The following SLC5A10 variants were observed in gnomAD, a reference collection of about 807,000 sequenced individuals.
The protein encoded by SLC5A10 is sodium/mannose cotransporter SLC5A10.
SLC5A10 carries 55 observed loss-of-function variants against 68.9 expected under a neutral mutation model. The ratio of observed to expected loss-of-function variants is 0.80; its 90% CI spans 0.64 to 1.00. SLC5A10 has a LOEUF of 1.00. SLC5A10 is among the 50% of genes least tolerant of loss of function. The pLI is 0.00. For missense variants in SLC5A10, 732 were observed against 819.3 expected (o/e 0.89, Z 1.30); for synonymous variants, 344 against 344.8 (o/e 1.00, Z 0.02).
At position 19,019,560 on chromosome 17, in the gene SLC5A10, T is replaced by C. The variant is rs899058280; in HGVS notation, c.1379T>C (p.Leu460Pro). The change falls in exon 12 of 15, where the codon CTG (leucine) becomes CCG (proline). Residue 460 changes from leucine (L) to proline (P), a missense_variant. Coordinates refer to ENST00000395645, the MANE Select transcript of SLC5A10 (RefSeq NM_001042450.4). ...LAPPVTAVFV[L>P]GVFWRRANEQ... ...CCACCAGTGACTGCAGTCTTTGTCC[T>C]GGGCGTCTTCTGGCGACGTGCCAAC... 4 of 1,612,024 alleles carry C rather than the reference T, an allele frequency of 2.5e-6. No individual in the cohort carries two copies. In the African/African-American group the frequency reaches 5.3e-5, roughly 22 times the overall value.
At position 19,020,352 on chromosome 17, in the gene SLC5A10, C is replaced by T; in HGVS notation, c.1712C>T (p.Ala571Val). The T allele has an allele frequency of 6.2e-7, 1 of 1,614,166 alleles. No individual in the cohort carries two copies. The highest frequency in any genetic ancestry group is 8.5e-7 in the Non-Finnish European group (1 of 1,180,032). Residue 571 changes from alanine to valine, a missense_variant, in exon 15 of 15, where the codon GCC (alanine) becomes GTC (valine). Coordinates refer to ENST00000395645, the MANE Select transcript of SLC5A10 (RefSeq NM_001042450.4). ...GATGGCCAAACACCCCAGAAACACGCCTTCTGGGCCCGTGTCTGTGGCTTC... is the reference window on the plus strand; with the variant it reads ...GATGGCCAAACACCCCAGAAACACGTCTTCTGGGCCCGTGTCTGTGGCTTC... ...AGDGQTPQKHAFWARVCGFNA... is the reference protein window; with the variant it reads ...AGDGQTPQKHVFWARVCGFNA...
chr17:18,970,569 G>T, intron 7 of SLC5A10: 1 of 191,986 alleles, frequency 5.2e-6, no homozygotes, highest in South Asian at 1.0e-4. Context: ...GCCACTCTCA[G>T]CTCTGCTAAA....
At position 19,013,495 on chromosome 17, in the gene SLC5A10, G is replaced by T; in HGVS notation, c.1068G>T (p.Leu356=). The change falls in exon 10 of 15, where the codon CTG becomes CTT. Residue 356 remains leucine, a synonymous_variant. Coordinates refer to ENST00000395645, the MANE Select transcript of SLC5A10 (RefSeq NM_001042450.4). Reference sequence around the variant, plus strand: ...GCTCCAACATCGCCTACCCCAAGCTGGTCATGGAACTGATGCCCATCGGTG... The same window carrying T: ...GCTCCAACATCGCCTACCCCAAGCTTGTCATGGAACTGATGCCCATCGGTG... The part of the protein sequence containing the change: ...VGCSNIAYPK[L]VMELMPIGLR... The T allele has an allele frequency of 6.5e-7, 1 of 1,534,514 alleles. No individual in the cohort carries two copies. Among genetic ancestry groups the T allele is most frequent in the Admixed American group, 1.9e-5 (1 of 52,840 alleles).
intron 9 of SLC5A10, among the ~76,000 whole-genome samples, chr17:18,990,102 G>A (rs2043376333): frequency 1.3e-5 from 2 of 152,178 alleles, no homozygotes; most frequent in South Asian, 4.1e-4. Flanking sequence ...GTTGATGCAG[G>A]GTCTACGACT....
intron 5 of SLC5A10, among the ~76,000 whole-genome samples, chr17:18,967,839 C>T (rs1049285696): frequency 3.9e-5 from 6 of 152,100 alleles, no homozygotes; most frequent in Admixed American, 1.3e-4. Context: ...AGCACCTCTG[C>T]GCTTCTCTAC....
intron 9 of SLC5A10, among the ~76,000 whole-genome samples, chr17:18,994,806 CACA>C (rs2043523398): frequency 6.6e-6 from 1 of 152,160 alleles, no homozygotes; most frequent in Non-Finnish European, 1.5e-5. Context: ...TGTTCTCTGT[CACA>C]ACTACTCAAA....
chr17:18,999,198 A>G (rs544406982), intron 9 of SLC5A10, among the ~76,000 whole-genome samples: 1 of 152,090 alleles, frequency 6.6e-6, no homozygotes, highest in Non-Finnish European at 1.5e-5. Context: ...GAATCGCTTG[A>G]ACCCTGGAGG....
intron 9 of SLC5A10, among the ~76,000 whole-genome samples, chr17:18,982,765 G>A (rs2043171683): frequency 6.6e-6 from 1 of 152,240 alleles, no homozygotes; most frequent in African/African-American, 2.4e-5. Context: ...GGCAGAGGGG[G>A]CTGAGCCCAG....
chr17:18,984,505 TC>T (rs1351885281), intron 9 of SLC5A10, among the ~76,000 whole-genome samples: 1 of 152,192 alleles, frequency 6.6e-6, no homozygotes, highest in Non-Finnish European at 1.5e-5. Flanking sequence ...GCGGCAGCGA[TC>T]CTCACTTCCT....
At chr17:19,013,287 G>A in intron 9 of SLC5A10, 123 bp from the exon 10 acceptor site, 1 of 1,480,448 alleles carries the variant, frequency 6.8e-7, no homozygotes, top group South Asian at 1.3e-5. Context: ...AAGGCCAAAT[G>A]GTAACAGGTC....
intron 8 of SLC5A10, among the ~76,000 whole-genome samples, chr17:18,972,725 G>A (rs2042885004): frequency 6.6e-6 from 1 of 152,166 alleles, no homozygotes; most frequent in Non-Finnish European, 1.5e-5. Context: ...AGCTGGGCAC[G>A]GTGGCAGGCG....
chr17:18,956,065 A>G (rs1197890043), intron 1 of SLC5A10, among the ~76,000 whole-genome samples: 1 of 152,084 alleles, frequency 6.6e-6, no homozygotes, highest in Non-Finnish European at 1.5e-5. Flanking sequence ...ATGGTGGCAC[A>G]TGCCTGTAAT....
rs749469051 is a variant in SLC5A10, at chr17:18,977,970, C to T, written c.982+981C>T. The T allele has an allele frequency of 1.1e-5, 17 of 1,588,030 alleles. No individual in the cohort carries two copies. The Admixed American group carries it at 2.0e-4, about 18-fold the overall frequency. ...TTGGGGAGCCCCACCCCGAGGCTCT[C>T]GGGGTCATCCTGGGTCACAGATAGC... is the stretch of plus-strand genomic sequence containing the variant. On this transcript the variant is annotated intron_variant, in intron 9 of 14. Coordinates refer to ENST00000395645, the MANE Select transcript of SLC5A10 (RefSeq NM_001042450.4).
chr17:19,006,380 AT>A (rs1404996077), intron 9 of SLC5A10, among the ~76,000 whole-genome samples: 1 of 147,696 alleles, frequency 6.8e-6, no homozygotes, highest in Admixed American at 6.8e-5. Context: ...TGCCCAGCTA[AT>A]TTTTTTTCTT....
At chr17:18,974,832 C>A (rs906478935) in intron 8 of SLC5A10, among the ~76,000 whole-genome samples, 23 of 152,176 alleles carry the variant, frequency 1.5e-4, no homozygotes, top group African/African-American at 5.1e-4. Flanking sequence ...CCGGCTTCCT[C>A]AGGGAAGAGC....
chr17:18,975,401 C>CG (rs1246972258), intron 8 of SLC5A10, among the ~76,000 whole-genome samples: 18 of 152,290 alleles, frequency 1.2e-4, no homozygotes, highest in Middle Eastern at 6.8e-3. Flanking sequence ...GTTAAAATCA[C>CG]GGAGGCAGCC....
chr17:18,993,393 G>T lies in SLC5A10; in HGVS notation c.982+16404G>T, dbSNP rs2043480387. 2.0e-5 allele frequency among the ~76,000 whole-genome samples: 3 copies of T among 152,214 alleles called. No individual in the cohort carries two copies. The South Asian group carries it at 6.2e-4, about 31-fold the overall frequency. On this transcript the variant is annotated intron_variant, in intron 9 of 14. Transcript: ENST00000395645. ...ACTTGCGTATTTCTTCTCAGGCACA[G>T]CAATGGAGTCTCCCAAGGACTGAGT...
chr17:19,003,378 A>C lies in SLC5A10; in HGVS notation c.983-10032A>C. The C allele has an allele frequency of 1.1e-6, 1 of 910,764 alleles. No individual in the cohort carries two copies. Among genetic ancestry groups the C allele is most frequent in the East Asian group, 3.2e-5 (1 of 31,364 alleles). 56.4% of individuals were successfully genotyped at this position (910,764 alleles called of 1,614,324 possible). The stretch of plus-strand genomic sequence containing the variant: ...CCACGAAGGTGGGGAGGAAACCTCC[A>C]CCCAAGAGGCAGCCAGGGAAAACAG... On this transcript the variant is annotated intron_variant, in intron 9 of 14. Transcript: ENST00000395645. This position sits in a 1 kb window ranked among gnomAD's most constrained non-coding sequence, Gnocchi z 4.5.
chr17:18,958,786 C>T (rs773156888), intron 2 of SLC5A10, 33 bp downstream of exon 2: 1 of 1,610,954 alleles, frequency 6.2e-7, no homozygotes, highest in Non-Finnish European at 8.5e-7. Context: ...CACACCCCCA[C>T]TTTGTCCGTG....
Sources: gnomAD v4.1 joint callset for allele counts (sites outside exome capture counted in the v4.1 genomes callset) on GRCh38, gnomAD v4.1.1 for gene constraint, Gnocchi (gnomAD v3.1) non-coding constraint, MANE v1.5 for transcripts, NCBI Gene and HGNC (gene_info 2026-07-23, HGNC 2026-07-21) for gene names.